Variants in PRKN observed in about 807,000 individuals in gnomAD.
PRKN encodes the protein parkin RBR E3 ubiquitin protein ligase.
Under a neutral mutation model 59.5 loss-of-function variants are expected in PRKN, and 56 were observed. The ratio of observed to expected loss-of-function variants is 0.94; its 90% CI spans 0.76 to 1.18. The LOEUF is 1.18. Among genes scored for constraint, PRKN ranks in the 50% most tolerant of loss-of-function variants. The probability of loss-of-function intolerance (pLI) is 0.00; values close to 1 mark genes in which losing one functional copy is unlikely to be tolerated. For missense variants in PRKN, 657 were observed against 596.4 expected, an observed-to-expected ratio of 1.10 and a Z score of -1.06; for synonymous variants, 250 against 222.1, an observed-to-expected ratio of 1.13 and a Z score of -1.12.
At chr6:161,726,068 G>T (rs545626182) in intron 7 of PRKN, among the ~76,000 whole-genome samples, 2 of 152,168 alleles carry the variant, frequency 1.3e-5, no homozygotes, top group South Asian at 4.1e-4. Context: ...AAATCAAAAG[G>T]CATAAAGTTA....
intron 5 of PRKN, among the ~76,000 whole-genome samples, chr6:162,034,020 T>TAAA (rs1783741857): frequency 6.6e-6 from 1 of 152,076 alleles, no homozygotes; most frequent in South Asian, 2.1e-4. Context: ...TAATGTAGTA[T>TAAA]AAACGATCTT....
At chr6:162,373,567 C>A (rs895225289) in intron 2 of PRKN, among the ~76,000 whole-genome samples, 3 of 151,894 alleles carry the variant, frequency 2.0e-5, no homozygotes, top group African/African-American at 7.3e-5. Flanking sequence ...ATTAGGAATT[C>A]TTGTTGGGAT....
chr6:161,714,663 C>T (rs1281909795), intron 7 of PRKN, among the ~76,000 whole-genome samples: 2 of 152,180 alleles, frequency 1.3e-5, no homozygotes, highest in Middle Eastern at 3.4e-3. Context: ...CATTTAAGAC[C>T]GTAAACACAG....
At position 162,710,763 on chromosome 6, in the gene PRKN, TA is replaced by T. The variant is rs71544948; in HGVS notation, c.7+16898del. On this transcript the variant is annotated intron_variant, in intron 1 of 11. Coordinates refer to ENST00000366898, the MANE Select transcript of PRKN (RefSeq NM_004562.3). ...TGTTTGATGGAGCTACAAAGTACTT[TA>T]AAAAAAAACAAAAAAGCAGCTGTTA... Among the ~76,000 whole-genome samples the T allele has an allele frequency of 8.3e-3, 1,259 of 151,016 alleles. 16 individuals carry two copies. Among genetic ancestry groups the T allele is most frequent in the Non-Finnish European group, 0.012 (790 of 67,680 alleles).
intron 9 of PRKN, among the ~76,000 whole-genome samples, chr6:161,476,317 C>G (rs1791079721): frequency 1.3e-5 from 2 of 152,048 alleles, no homozygotes; most frequent in Admixed American, 6.5e-5. Flanking sequence ...ATAATTACAT[C>G]CTAAAAAAAG....
intron 4 of PRKN, among the ~76,000 whole-genome samples, chr6:162,178,648 T>C (rs149664573): frequency 5.9e-5 from 9 of 152,320 alleles, no homozygotes; most frequent in African/African-American, 1.9e-4. Flanking sequence ...GTGGACATGT[T>C]TGTGTGTTCT....
At chr6:161,881,593 G>A (rs575164146) in intron 6 of PRKN, among the ~76,000 whole-genome samples, 1 of 152,196 alleles carries the variant, frequency 6.6e-6, no homozygotes, top group South Asian at 2.1e-4. Flanking sequence ...ATCCCCATGG[G>A]TCTGATGGTC....
chr6:162,060,126 C>G (rs2128287319), intron 4 of PRKN, among the ~76,000 whole-genome samples: 1 of 152,276 alleles, frequency 6.6e-6, no homozygotes, highest in South Asian at 2.1e-4. Context: ...ATTAAATTTT[C>G]CAAACTCATA....
intron 1 of PRKN, among the ~76,000 whole-genome samples, chr6:162,444,492 A>G (rs1188341280): frequency 6.7e-6 from 1 of 150,108 alleles, no homozygotes; most frequent in Non-Finnish European, 1.5e-5. Flanking sequence ...TGCTCCCAGA[A>G]AAAAAAAAAT....
chr6:161,823,370 T>A (rs1278475059), intron 6 of PRKN, among the ~76,000 whole-genome samples: 1 of 152,192 alleles, frequency 6.6e-6, no homozygotes, highest in Non-Finnish European at 1.5e-5. Context: ...CATTATCATA[T>A]GCAACTTTCA....
rs997608301 is a variant in PRKN at position 161,998,461 on chromosome 6, A to G, written c.619-25044T>C. 3.9e-5 allele frequency among the ~76,000 whole-genome samples: 6 copies of G among 152,250 alleles called. No individual in the cohort carries two copies. In the East Asian group the frequency reaches 9.7e-4, roughly 24 times the overall value. Reference sequence around the variant, plus strand: ...CCCATATATTTGCATGTAAATAAATATTTATTTGTTTTGTCCAATTTCCAT... The same window carrying G: ...CCCATATATTTGCATGTAAATAAATGTTTATTTGTTTTGTCCAATTTCCAT... On this transcript the variant is annotated intron_variant, in intron 5 of 11. Coordinates refer to ENST00000366898, the MANE Select transcript of PRKN (RefSeq NM_004562.3).
At chr6:162,476,881 G>A (rs1305028029) in intron 1 of PRKN, among the ~76,000 whole-genome samples, 1 of 152,070 alleles carries the variant, frequency 6.6e-6, no homozygotes, top group African/African-American at 2.4e-5. Flanking sequence ...GTCTTTAATT[G>A]GCCCCAGAAT....
intron 1 of PRKN, among the ~76,000 whole-genome samples, chr6:162,511,826 C>T (rs987873602): frequency 1.3e-5 from 2 of 152,118 alleles, no homozygotes; most frequent in Non-Finnish European, 2.9e-5. Context: ...TTCTAGTGAG[C>T]ACTGTTTCTT....
chr6:162,280,415 C>T (rs1485001614), intron 2 of PRKN, among the ~76,000 whole-genome samples: 1 of 151,958 alleles, frequency 6.6e-6, no homozygotes, highest in Non-Finnish European at 1.5e-5. Flanking sequence ...ACTAAATGCC[C>T]ACATCAGAAG....
intron 9 of PRKN, among the ~76,000 whole-genome samples, chr6:161,398,577 G>A (rs1165467096): frequency 6.6e-6 from 1 of 152,196 alleles, no homozygotes; most frequent in Non-Finnish European, 1.5e-5. Flanking sequence ...TGTATGCTGT[G>A]CATTGCTGGA....
intron 7 of PRKN, among the ~76,000 whole-genome samples, chr6:161,622,014 C>T (rs527426600): frequency 3.3e-5 from 5 of 152,296 alleles, no homozygotes; most frequent in South Asian, 4.1e-4. Context: ...GTGTATGCCG[C>T]CTATCTCAGT....
At chr6:162,156,629 C>A (rs1032807261) in intron 4 of PRKN, among the ~76,000 whole-genome samples, 3 of 152,188 alleles carry the variant, frequency 2.0e-5, no homozygotes, top group Non-Finnish European at 4.4e-5. Context: ...GCCACATTGG[C>A]AGCTGATTAG....
At chr6:161,433,328 T>G (rs1009334386) in intron 9 of PRKN, among the ~76,000 whole-genome samples, 6 of 152,212 alleles carry the variant, frequency 3.9e-5, no homozygotes, top group African/African-American at 1.4e-4. Context: ...ATTTCACTTT[T>G]TGTTTAACAA....
intron 2 of PRKN, among the ~76,000 whole-genome samples, chr6:162,390,394 TATACACACACACAC>T (rs1395795464): frequency 4.5e-4 from 54 of 120,778 alleles, no homozygotes; most frequent in Admixed American, 4.4e-3. Flanking sequence ...TATATATATA[TATACACACACACAC>T]ACACACACAC....
Sources: allele counts gnomAD v4.1 joint callset (sites outside exome capture counted in the v4.1 genomes callset), GRCh38; gene constraint gnomAD v4.1.1; transcripts MANE v1.5; gene names NCBI Gene and HGNC (gene_info 2026-07-23, HGNC 2026-07-21).